EXOC6: variants seen among roughly 807,000 people sequenced by gnomAD.
EXOC6 encodes the protein exocyst complex component 6.
EXOC6 carries 60 observed loss-of-function variants against 112.5 expected under a neutral mutation model. The ratio of observed to expected loss-of-function variants is 0.53; its 90% CI spans 0.43 to 0.66. The LOEUF is 0.66. Among genes scored for constraint, EXOC6 ranks in the 30% least tolerant of loss-of-function variants. The probability of loss-of-function intolerance (pLI) is 0.00; values close to 1 mark genes in which losing one functional copy is unlikely to be tolerated. For missense variants in EXOC6, 855 were observed against 957.1 expected, an observed-to-expected ratio of 0.89 and a Z score of 1.41; for synonymous variants, 295 against 308.0, an observed-to-expected ratio of 0.96 and a Z score of 0.44.
intron 18 of EXOC6, among the ~76,000 whole-genome samples, chr10:92,997,084 T>A (rs1843527904): frequency 6.6e-6 from 1 of 152,232 alleles, no homozygotes; most frequent in South Asian, 2.1e-4. Context: ...AAAGGAGAGA[T>A]TAAGGAGCAT....
chr10:92,990,663 G>A (rs1451854733), intron 18 of EXOC6, among the ~76,000 whole-genome samples: 4 of 152,104 alleles, frequency 2.6e-5, no homozygotes, highest in Non-Finnish European at 5.9e-5. Context: ...TGCAGGATGT[G>A]CAGGTTTGTT....
rs140117375 is a variant in EXOC6 at position 92,866,867 on chromosome 10, A to G, written c.101+18233A>G. ...TTTTCTTAAGTCTAACACATTTAAC[A>G]TATTAGAAGTTCAATTTCCTTGTTT... is the stretch of plus-strand genomic sequence containing the variant. On this transcript the variant is annotated intron_variant, in intron 1 of 21. Transcript: ENST00000260762. 5.1e-3 allele frequency among the ~76,000 whole-genome samples: 783 copies of G among 152,298 alleles called. 6 individuals are homozygous for G. The highest frequency in any genetic ancestry group is 0.015 in the African/African-American group (638 of 41,584).
At chr10:92,958,968 C>T (rs1853840068) in intron 17 of EXOC6, among the ~76,000 whole-genome samples, 1 of 152,026 alleles carries the variant, frequency 6.6e-6, no homozygotes, top group African/African-American at 2.4e-5. Flanking sequence ...GTGGTGCGCA[C>T]ATGTAATCCC....
intron 13 of EXOC6, among the ~76,000 whole-genome samples, chr10:92,946,059 G>A (rs921101073): frequency 3.9e-5 from 6 of 152,012 alleles, no homozygotes; most frequent in Non-Finnish European, 8.8e-5. Flanking sequence ...GGGAGGCCAA[G>A]GTGGGTGGAT....
At position 92,977,189 on chromosome 10, in the gene EXOC6, A is replaced by G. The variant is rs1478138416; in HGVS notation, c.1953+2957A>G. Among the ~76,000 whole-genome samples the G allele has an allele frequency of 2.6e-5, 4 of 152,172 alleles. 1 individual carries two copies. The highest frequency in any genetic ancestry group is 7.2e-5 in the African/African-American group (3 of 41,428). On this transcript the variant is annotated intron_variant, in intron 18 of 21. Coordinates refer to ENST00000260762, the MANE Select transcript of EXOC6 (RefSeq NM_019053.6). ...TAACTCCCACAAGCTTAGTGTTCCA[A>G]TAATGGAATGCTAGGCATAAGTAGG... is the stretch of plus-strand genomic sequence containing the variant.
chr10:93,027,782 C>G (rs751197976), intron 20 of EXOC6, among the ~76,000 whole-genome samples: 19 of 152,228 alleles, frequency 1.2e-4, no homozygotes, highest in Non-Finnish European at 2.9e-5. Flanking sequence ...CTTCATCACT[C>G]AAGAACTCTG....
At chr10:92,848,124 C>T (rs542354361), upstream of EXOC6, among the ~76,000 whole-genome samples, 7 of 152,238 alleles carry the variant, frequency 4.6e-5, no homozygotes, top group Admixed American at 1.3e-4. Flanking sequence ...TAAATGTCCC[C>T]GTGGCTCTTA....
intron 1 of EXOC6, among the ~76,000 whole-genome samples, chr10:92,889,350 AG>A (rs1279725193): frequency 2.0e-5 from 3 of 152,180 alleles, no homozygotes; most frequent in Non-Finnish European, 2.9e-5. Flanking sequence ...GTTTCTAGCA[AG>A]ATTGGGAGGA....
chr10:92,831,406 G>GAAGAATAC, upstream of EXOC6: 1 of 1,087,896 alleles, frequency 9.2e-7, no homozygotes, highest in Non-Finnish European at 1.2e-6. Flanking sequence ...TTAGAGTATA[G>GAAGAATAC]TATTCTTCTA....
chr10:92,916,433 C>T (rs1851093436), intron 7 of EXOC6, among the ~76,000 whole-genome samples: 1 of 152,092 alleles, frequency 6.6e-6, no homozygotes, highest in South Asian at 2.1e-4. Context: ...TTGCTTGAAC[C>T]CAGGAGGTGG....
intron 20 of EXOC6, among the ~76,000 whole-genome samples, chr10:93,037,082 G>A (rs1845545837): frequency 6.6e-6 from 1 of 151,806 alleles, no homozygotes; most frequent in Non-Finnish European, 1.5e-5. Flanking sequence ...TACTCAACAA[G>A]GAGCTATATC....
chr10:92,875,309 TCTC>T (rs1848636819), intron 1 of EXOC6, among the ~76,000 whole-genome samples: 1 of 152,176 alleles, frequency 6.6e-6, no homozygotes. Flanking sequence ...ATTATTGAAT[TCTC>T]CTATTTCCTC....
chr10:92,881,192 G>A (rs1848944018), intron 1 of EXOC6, among the ~76,000 whole-genome samples: 1 of 152,094 alleles, frequency 6.6e-6, no homozygotes, highest in Non-Finnish European at 1.5e-5. Context: ...GTCATTTTTA[G>A]GATAGTCAGA....
chr10:92,990,498 G>C (rs1372880473), intron 18 of EXOC6, among the ~76,000 whole-genome samples: 1 of 152,148 alleles, frequency 6.6e-6, no homozygotes, highest in Non-Finnish European at 1.5e-5. Flanking sequence ...CAGTGGATTA[G>C]GAAAGACCTA....
chr10:92,868,132 A>T (rs1187639782), intron 1 of EXOC6, among the ~76,000 whole-genome samples: 1 of 152,146 alleles, frequency 6.6e-6, no homozygotes, highest in Non-Finnish European at 1.5e-5. Context: ...ATTTTGAGTC[A>T]TAGGAAAGTT....
At chr10:92,851,564 C>T (rs190281516) in intron 1 of EXOC6, among the ~76,000 whole-genome samples, 4 of 151,932 alleles carry the variant, frequency 2.6e-5, no homozygotes, top group African/African-American at 7.2e-5. Flanking sequence ...GCAGGAGAAT[C>T]GCTTGAATCC....
intron 20 of EXOC6, among the ~76,000 whole-genome samples, chr10:93,047,137 C>T (rs140763285): frequency 3.3e-5 from 5 of 152,142 alleles, no homozygotes; most frequent in Admixed American, 6.5e-5. Flanking sequence ...GTTGGCTAAT[C>T]TGGAATATTG....
At chr10:92,852,579 A>T (rs1356039885) in intron 1 of EXOC6, among the ~76,000 whole-genome samples, 1 of 152,230 alleles carries the variant, frequency 6.6e-6, no homozygotes. Context: ...TGAAGAATAC[A>T]TCATGATCAA....
At chr10:92,949,940 TTGTGCCTCATCTGTCA>T (rs1347645235) in intron 14 of EXOC6, among the ~76,000 whole-genome samples, 3 of 152,152 alleles carry the variant, frequency 2.0e-5, no homozygotes, top group Non-Finnish European at 4.4e-5. Flanking sequence ...GTGTGGGCAT[TTGTGCCTCATCTGTCA>T]AATGAGGAGT....
Sources: allele counts gnomAD v4.1 joint callset (sites outside exome capture counted in the v4.1 genomes callset), GRCh38; gene constraint gnomAD v4.1.1; transcripts MANE v1.5; gene names NCBI Gene and HGNC (gene_info 2026-07-23, HGNC 2026-07-21).